The following CACNB4 variants were observed in gnomAD, a reference collection of about 807,000 sequenced individuals.
The protein encoded by CACNB4 is voltage-dependent L-type calcium channel subunit beta-4.
In CACNB4, 32 loss-of-function variants were observed where a neutral mutation model predicts 71.2. The ratio of observed to expected loss-of-function variants is 0.45; its 90% CI spans 0.34 to 0.60. The LOEUF (loss-of-function observed/expected upper bound fraction) is 0.60. CACNB4 is among the 20% of genes least tolerant of loss of function. The probability of loss-of-function intolerance (pLI) is 0.01; values close to 1 mark genes in which losing one functional copy is unlikely to be tolerated. For synonymous variants in CACNB4, 231 were observed against 236.9 expected, an observed-to-expected ratio of 0.97 and a Z score of 0.23; for missense variants, 464 against 647.9, an observed-to-expected ratio of 0.72 and a Z score of 3.08.
intron 2 of CACNB4, among the ~76,000 whole-genome samples, chr2:151,982,532 G>T (rs1030104012): frequency 2.6e-5 from 4 of 151,908 alleles, no homozygotes; most frequent in African/African-American, 9.7e-5. Flanking sequence ...TACTTGGGAG[G>T]CTGAGGCAGG....
At chr2:152,018,776 C>G (rs1683488503) in intron 2 of CACNB4, among the ~76,000 whole-genome samples, 1 of 148,524 alleles carries the variant, frequency 6.7e-6, no homozygotes, top group Non-Finnish European at 1.5e-5. Flanking sequence ...TGCACTCCAC[C>G]CTGGGCAACA....
At chr2:152,086,227 A>G (rs1432216915) in intron 2 of CACNB4, among the ~76,000 whole-genome samples, 1 of 152,248 alleles carries the variant, frequency 6.6e-6, no homozygotes, top group African/African-American at 2.4e-5. Flanking sequence ...CAAGAGAAAT[A>G]TGTATATTGT....
At chr2:151,992,342 G>A (rs1295916316) in intron 2 of CACNB4, among the ~76,000 whole-genome samples, 1 of 152,190 alleles carries the variant, frequency 6.6e-6, no homozygotes, top group African/African-American at 2.4e-5. Flanking sequence ...CAAAAAGCAC[G>A]ATTTCCTTCA....
chr2:152,044,285 A>G (rs549773548), intron 2 of CACNB4, among the ~76,000 whole-genome samples: 126 of 152,252 alleles, frequency 8.3e-4, no homozygotes, highest in Non-Finnish European at 1.4e-3. Flanking sequence ...CAGTGGAGCA[A>G]TCTTGGCTCA....
intron 2 of CACNB4, among the ~76,000 whole-genome samples, chr2:152,067,612 G>A (rs1009612994): frequency 9.9e-5 from 15 of 152,132 alleles, no homozygotes; most frequent in African/African-American, 3.6e-4. Context: ...CTGAATGCAA[G>A]CAATTATCTC....
chr2:152,079,404 T>C (rs542806412), intron 2 of CACNB4, among the ~76,000 whole-genome samples: 56 of 152,166 alleles, frequency 3.7e-4, no homozygotes, highest in Middle Eastern at 6.8e-3. Flanking sequence ...TTGTTGTTGT[T>C]GTTATTGTTT....
At chr2:152,091,821 TG>T (rs1244100681) in intron 2 of CACNB4, among the ~76,000 whole-genome samples, 1 of 152,114 alleles carries the variant, frequency 6.6e-6, no homozygotes, top group East Asian at 1.9e-4. Flanking sequence ...GGTAGAAGAC[TG>T]GAGGGTGGAA....
intron 2 of CACNB4, among the ~76,000 whole-genome samples, chr2:151,978,398 T>G (rs1387290845): frequency 6.6e-6 from 1 of 152,078 alleles, no homozygotes; most frequent in Middle Eastern, 3.2e-3. Flanking sequence ...ATGCACCCCA[T>G]GTGAATGGTC....
At chr2:151,947,876 AAAAGGGAAGAG>A in intron 2 of CACNB4, among the ~76,000 whole-genome samples, 1 of 152,318 alleles carries the variant, frequency 6.6e-6, no homozygotes, top group Non-Finnish European at 1.5e-5. Context: ...CAGTAGCTTA[AAAAGGGAAGAG>A]AAAGCAAACC....
chr2:151,979,838 C>T (rs2099874415), intron 2 of CACNB4, among the ~76,000 whole-genome samples: 1 of 152,040 alleles, frequency 6.6e-6, no homozygotes. Flanking sequence ...CTGATGAGAG[C>T]CAGAGAGTAA....
chr2:152,077,189 G>A (rs1333213121), intron 2 of CACNB4, among the ~76,000 whole-genome samples: 2 of 152,204 alleles, frequency 1.3e-5, no homozygotes, highest in South Asian at 4.1e-4. Flanking sequence ...GGGAGGCCGA[G>A]GTGGGTGGAT....
At chr2:151,867,056 C>T (rs1425202624) in intron 9 of CACNB4, 1 of 152,172 alleles carries the variant, frequency 6.6e-6, no homozygotes, top group Non-Finnish European at 1.5e-5. Flanking sequence ...TGAGGGCAAA[C>T]CTTTAACAGC....
intron 2 of CACNB4, among the ~76,000 whole-genome samples, chr2:151,907,880 C>G (rs1257958843): frequency 6.6e-6 from 1 of 152,146 alleles, no homozygotes; most frequent in Non-Finnish European, 1.5e-5. Context: ...GGTCAGCACA[C>G]AGTTTCTAAA....
At chr2:152,070,963 C>T (rs1195456276) in intron 2 of CACNB4, among the ~76,000 whole-genome samples, 2 of 152,182 alleles carry the variant, frequency 1.3e-5, no homozygotes, top group African/African-American at 4.8e-5. Flanking sequence ...AACAGGGTTT[C>T]GCCATGTTGG....
chr2:151,848,945 GAAAT>G (rs1354591594), intron 12 of CACNB4, among the ~76,000 whole-genome samples: 7 of 151,880 alleles, frequency 4.6e-5, no homozygotes, highest in Non-Finnish European at 1.0e-4. Flanking sequence ...GAAGCAAAAA[GAAAT>G]AAAAAAATGT....
chr2:152,034,250 T>A (rs1472056348), intron 2 of CACNB4, among the ~76,000 whole-genome samples: 1 of 152,196 alleles, frequency 6.6e-6, no homozygotes, highest in African/African-American at 2.4e-5. Context: ...AGAAGTCACG[T>A]CTTGCAAAGT....
intron 2 of CACNB4, among the ~76,000 whole-genome samples, chr2:151,904,144 A>C (rs949560796): frequency 1.4e-4 from 21 of 152,244 alleles, no homozygotes; most frequent in Non-Finnish European, 2.5e-4. Context: ...AGCAGATTGA[A>C]TTTTGTGTTT....
At chr2:152,056,100 C>G (rs1301926611) in intron 2 of CACNB4, among the ~76,000 whole-genome samples, 1 of 152,126 alleles carries the variant, frequency 6.6e-6, no homozygotes, top group Non-Finnish European at 1.5e-5. Context: ...CGGTGGCTCA[C>G]CCCTGTAATC....
At position 151,966,758 on chromosome 2, in the gene CACNB4, G is replaced by A. The variant is rs1579015856; in HGVS notation, c.148-83388C>T. Among the ~76,000 whole-genome samples, 5 of 152,234 alleles carry A rather than the reference G, an allele frequency of 3.3e-5. 1 individual carries two copies. Among genetic ancestry groups the A allele is most frequent in the Admixed American group, 3.3e-4 (5 of 15,290 alleles). ...GAAAATAAACCAAAAAACTTGGTGG[G>A]ACTATCAGAACCTATAGAAGGAGGA... On this transcript the variant is annotated intron_variant, in intron 2 of 13. Coordinates refer to ENST00000539935, the MANE Select transcript of CACNB4 (RefSeq NM_000726.5).
Sources: allele counts gnomAD v4.1 joint callset (sites outside exome capture counted in the v4.1 genomes callset), GRCh38; gene constraint gnomAD v4.1.1; transcripts MANE v1.5; gene names NCBI Gene and HGNC (gene_info 2026-07-23, HGNC 2026-07-21).